UNC13C: variants seen among roughly 807,000 people sequenced by gnomAD.
The protein encoded by UNC13C is unc-13 homolog C.
Under a neutral mutation model 245.4 loss-of-function variants are expected in UNC13C, and 174 were observed. The ratio of observed to expected loss-of-function variants is 0.71; its 90% confidence interval spans 0.63 to 0.80. UNC13C has a LOEUF of 0.80. Among genes scored for constraint, UNC13C ranks in the 30% least tolerant of loss-of-function variants. UNC13C has a pLI of 0.00. For missense variants in UNC13C, 2,829 were observed against 2,602.9 expected, an observed-to-expected ratio of 1.09 and a Z score of -1.89; for synonymous variants, 992 against 895.1, an observed-to-expected ratio of 1.11 and a Z score of -1.93.
At chr15:54,457,892 G>GTT (rs34133938) in intron 19 of UNC13C, among the ~76,000 whole-genome samples, 18,068 of 122,528 alleles carry the variant, frequency 0.15, 1,681 homozygotes, top group African/African-American at 0.27. Flanking sequence ...TCTGCTTTTC[G>GTT]TTTTTTTTTT....
chr15:54,301,297 T>G (rs2037574413), intron 13 of UNC13C, among the ~76,000 whole-genome samples: 1 of 151,764 alleles, frequency 6.6e-6, no homozygotes, highest in Admixed American at 6.6e-5. Context: ...TTGTTTTTTT[T>G]TTTTTTTTGA....
chr15:54,605,955 G>A (rs561681588), intron 30 of UNC13C, among the ~76,000 whole-genome samples: 10 of 152,224 alleles, frequency 6.6e-5, no homozygotes, highest in African/African-American at 1.9e-4. Context: ...CCTGGGCAGA[G>A]CACTGTCTGC....
At chr15:53,873,156 ATTG>A in the UNC13C span, among the ~76,000 whole-genome samples, 20 of 151,310 alleles carry the variant, frequency 1.3e-4, 1 homozygote. Flanking sequence ...TTTAGTGGCT[ATTG>A]TTGTAGTCTT....
Position 54,627,168 on chromosome 15 carries a change from G to T in UNC13C, c.*55G>T, listed in dbSNP as rs1271127942. 6.7e-7 allele frequency: 1 copy of T among 1,494,446 alleles called. No homozygotes were observed. Among genetic ancestry groups the T allele is most frequent in the Non-Finnish European group, 9.0e-7 (1 of 1,106,956 alleles). The allele number at this position is 1,494,446 out of a possible 1,614,324, so 92.6% of individuals were successfully genotyped here. ...ATAATTGTTTGACTACTGCATGCAT[G>T]TGCAAATACATGGGAATGTTTAGTT... On this transcript the variant is annotated 3_prime_UTR_variant, in exon 33 of 33. Transcript: ENST00000260323.
chr15:54,377,129 C>G (rs2039623445), intron 17 of UNC13C, among the ~76,000 whole-genome samples: 1 of 152,134 alleles, frequency 6.6e-6, no homozygotes. Flanking sequence ...TCCTTCAGAG[C>G]CTCCAGAAAG....
chr15:54,452,664 G>T (rs191709145), intron 19 of UNC13C, among the ~76,000 whole-genome samples: 1 of 152,182 alleles, frequency 6.6e-6, no homozygotes, highest in Non-Finnish European at 1.5e-5. Flanking sequence ...GTGGTCAGAC[G>T]GAGTGATCCT....
At chr15:54,018,433 G>A (rs528155117) in intron 2 of UNC13C, among the ~76,000 whole-genome samples, 1 of 152,252 alleles carries the variant, frequency 6.6e-6, no homozygotes, top group African/African-American at 2.4e-5. Context: ...TTGTCTTCAG[G>A]ATCCAGAGGA....
chr15:53,913,505 C>G, the UNC13C span: 1 of 152,250 alleles, frequency 6.6e-6, no homozygotes, highest in African/African-American at 2.4e-5. Flanking sequence ...ACTGTATATA[C>G]TGCCCTTCAG....
chr15:54,261,060 C>T (rs902007148), intron 8 of UNC13C, among the ~76,000 whole-genome samples: 4 of 152,088 alleles, frequency 2.6e-5, no homozygotes, highest in Non-Finnish European at 4.4e-5. Flanking sequence ...TCTTATCTGT[C>T]AAGTAATTAT....
chr15:54,601,038 T>G (rs1320234269), intron 30 of UNC13C, among the ~76,000 whole-genome samples: 1 of 150,650 alleles, frequency 6.6e-6, no homozygotes, highest in Admixed American at 6.6e-5. Context: ...TTTACAAATT[T>G]GAGTTAGGCT....
At chr15:54,504,363 C>T (rs534843116) in intron 22 of UNC13C, among the ~76,000 whole-genome samples, 1 of 152,168 alleles carries the variant, frequency 6.6e-6, no homozygotes, top group Admixed American at 6.6e-5. Context: ...ATATGCTAAT[C>T]ACTTTATACA....
At chr15:54,401,124 A>G (rs2040173965) in intron 18 of UNC13C, among the ~76,000 whole-genome samples, 1 of 152,166 alleles carries the variant, frequency 6.6e-6, no homozygotes, top group Non-Finnish European at 1.5e-5. Context: ...AAATATAGGA[A>G]AGATAAGGTA....
the UNC13C span, among the ~76,000 whole-genome samples, chr15:53,931,110 C>A: frequency 1.3e-5 from 2 of 152,092 alleles, no homozygotes; most frequent in Non-Finnish European, 2.9e-5. Context: ...GATGAGCTTA[C>A]CATCTCAGAC....
intron 30 of UNC13C, chr15:54,609,397 G>T (rs1158734888): frequency 6.6e-6 from 1 of 152,154 alleles, no homozygotes; most frequent in Non-Finnish European, 1.5e-5. Flanking sequence ...TAGCTGCTTG[G>T]CGGGGTGGAT....
chr15:54,306,860 C>A (rs2037738835), intron 13 of UNC13C, among the ~76,000 whole-genome samples: 1 of 151,938 alleles, frequency 6.6e-6, no homozygotes, highest in Non-Finnish European at 1.5e-5. Flanking sequence ...TAAATCAGAA[C>A]TGTTTGGATA....
chr15:54,158,731 C>G (rs2032854682), intron 4 of UNC13C, among the ~76,000 whole-genome samples: 1 of 151,884 alleles, frequency 6.6e-6, no homozygotes, highest in African/African-American at 2.4e-5. Flanking sequence ...TTCACTGCAG[C>G]TTCAACTTCT....
At chr15:54,207,912 C>T (rs914226952) in intron 4 of UNC13C, among the ~76,000 whole-genome samples, 1 of 152,098 alleles carries the variant, frequency 6.6e-6, no homozygotes, top group East Asian at 1.9e-4. Context: ...AATAGTAGTT[C>T]CATTTCATAA....
At chr15:53,937,901 A>G in the UNC13C span, among the ~76,000 whole-genome samples, 1 of 152,216 alleles carries the variant, frequency 6.6e-6, no homozygotes. Flanking sequence ...TATGAAAAGG[A>G]AAAACCATTA....
At chr15:54,195,672 C>A (rs1316335563) in intron 4 of UNC13C, among the ~76,000 whole-genome samples, 1 of 152,138 alleles carries the variant, frequency 6.6e-6, no homozygotes, top group Non-Finnish European at 1.5e-5. Context: ...TATACTCTTA[C>A]AGATCATCTC....
Sources: gnomAD v4.1 joint callset for allele counts (sites outside exome capture counted in the v4.1 genomes callset) on GRCh38, gnomAD v4.1.1 for gene constraint, MANE v1.5 for transcripts, NCBI Gene and HGNC (gene_info 2026-07-23, HGNC 2026-07-21) for gene names.